SMC5: variants seen among roughly 807,000 people sequenced by gnomAD.
SMC5 encodes structural maintenance of chromosomes 5.
A neutral mutation model predicts 148.3 loss-of-function variants in SMC5; 88 were observed. The observed-to-expected ratio is 0.59, with a 90% CI of 0.50 to 0.71. The LOEUF is 0.71. SMC5 is among the 30% of genes least tolerant of loss of function. SMC5 has a pLI of 0.00. For synonymous variants in SMC5, 421 were observed against 432.8 expected (o/e 0.97, Z 0.34); for missense variants, 1,142 against 1,298.9 (o/e 0.88, Z 1.86).
At position 70,344,242 on chromosome 9, in the gene SMC5, G is replaced by A; in HGVS notation, c.2496G>A (p.Glu832=). The A allele has an allele frequency of 6.7e-7, 1 of 1,489,280 alleles. No homozygotes were observed. Among genetic ancestry groups the A allele is most frequent in the Non-Finnish European group, 9.0e-7 (1 of 1,115,338 alleles). 92.3% of individuals were successfully genotyped at this position (1,489,280 alleles called of 1,614,324 possible). ...GGCAAGTATGTAACCTGGGTGCAGA[G>A]CAGACTCTTCCTCAAGAATACCAGA... The part of the protein sequence containing the change: ...RARQVCNLGA[E]QTLPQEYQTQ... The change falls in exon 18 of 25, where the codon GAG becomes GAA. Residue 832 remains glutamate, a synonymous_variant. Coordinates refer to ENST00000361138, the MANE Select transcript of SMC5 (RefSeq NM_015110.4).
rs73446770 is a variant in SMC5 at position 70,274,377 on chromosome 9, G to A, written c.381-2933G>A. ...ATTACAGGCGTGAGCCACTGCGCCC[G>A]GCCGTGAATTCAACTTTCTGTTGTT... On this transcript the variant is annotated intron_variant, in intron 3 of 24. Coordinates refer to ENST00000361138, the MANE Select transcript of SMC5 (RefSeq NM_015110.4). Among the ~76,000 whole-genome samples the A allele has an allele frequency of 4.3e-3, 651 of 152,170 alleles. 5 individuals are homozygous for A. Among genetic ancestry groups the A allele is most frequent in the African/African-American group, 0.014 (565 of 41,536 alleles).
At chr9:70,318,741 G>GT in intron 14 of SMC5, 53 bp from the exon 15 acceptor site, 1 of 1,556,492 alleles carries the variant, frequency 6.4e-7, no homozygotes, top group Non-Finnish European at 8.6e-7. Flanking sequence ...ATTTCTAATA[G>GT]TTTCACTGGA....
intron 17 of SMC5, among the ~76,000 whole-genome samples, chr9:70,324,848 G>T (rs1284728629): frequency 6.6e-6 from 1 of 152,090 alleles, no homozygotes; most frequent in East Asian, 1.9e-4. Context: ...ATACAATCAG[G>T]ACTAGCAAAA....
chr9:70,274,342 A>G (rs2034529797), intron 3 of SMC5, among the ~76,000 whole-genome samples: 1 of 152,122 alleles, frequency 6.6e-6, no homozygotes, highest in African/African-American at 2.4e-5. Flanking sequence ...CGGCCTCCCA[A>G]AGTGCTGGGA....
chr9:70,320,978 A>G (rs898406024), intron 15 of SMC5, among the ~76,000 whole-genome samples: 1 of 152,200 alleles, frequency 6.6e-6, no homozygotes, highest in Non-Finnish European at 1.5e-5. Context: ...TGCAAATGAC[A>G]GCATGGTGAG....
rs1483522666 is a variant in SMC5 at position 70,339,854 on chromosome 9, G to T, written c.2398-4290G>T. 2.0e-5 allele frequency among the ~76,000 whole-genome samples: 3 copies of T among 152,172 alleles called. No individual in the cohort carries two copies. The East Asian group carries it at 5.8e-4, about 29-fold the overall frequency. ...CCCTGAAAAAGGTAGATGGTGGGAAGCCTCTCTTTGGTAATGTCACTAACT... is the reference window on the plus strand; with the variant it reads ...CCCTGAAAAAGGTAGATGGTGGGAATCCTCTCTTTGGTAATGTCACTAACT... On this transcript the variant is annotated intron_variant, in intron 17 of 24. Coordinates refer to ENST00000361138, the MANE Select transcript of SMC5 (RefSeq NM_015110.4).
chr9:70,347,835 T>C, intron 21 of SMC5, 84 bp from the exon 22 acceptor site: 1 of 1,357,532 alleles, frequency 7.4e-7, no homozygotes, highest in East Asian at 2.4e-5. Flanking sequence ...AGACTGATAC[T>C]GATATAAAAT....
intron 10 of SMC5, 21 bp from the exon 11 acceptor site, chr9:70,305,226 T>C: frequency 8.5e-7 from 1 of 1,177,968 alleles, no homozygotes; most frequent in Non-Finnish European, 1.2e-6. Context: ...AAATTCGACC[T>C]TTTTTTGCTT....
chr9:70,266,863 C>T (rs938300206), intron 2 of SMC5, among the ~76,000 whole-genome samples: 1 of 152,174 alleles, frequency 6.6e-6, no homozygotes, highest in African/African-American at 2.4e-5. Flanking sequence ...GAGCAGATGT[C>T]ATTCCTACAT....
At chr9:70,294,210 A>C (rs1197711718) in intron 8 of SMC5, among the ~76,000 whole-genome samples, 1 of 152,206 alleles carries the variant, frequency 6.6e-6, no homozygotes, top group Non-Finnish European at 1.5e-5. Flanking sequence ...GGAAGGCAGC[A>C]ATAAAGGATT....
chr9:70,294,079 G>C lies in SMC5; in HGVS notation c.1054-3887G>C, dbSNP rs11142353. On this transcript the variant is annotated intron_variant, in intron 8 of 24. Coordinates refer to ENST00000361138, the MANE Select transcript of SMC5 (RefSeq NM_015110.4). ...TCCTTACATTCTACAAAGCAAAGCA[G>C]AATGAGTAAGGATGTAGGTAAAGTG... Among the ~76,000 whole-genome samples the C allele has an allele frequency of 8.6e-4, 131 of 152,230 alleles. 1 individual carries two copies. The East Asian group carries it at 0.024, about 27-fold the overall frequency.
chr9:70,278,907 T>C (rs937216680), intron 5 of SMC5, among the ~76,000 whole-genome samples: 1 of 152,198 alleles, frequency 6.6e-6, no homozygotes, highest in Non-Finnish European at 1.5e-5. Context: ...AGGAAGTTAT[T>C]CTTTCATTCA....
intron 17 of SMC5, among the ~76,000 whole-genome samples, chr9:70,343,480 C>G (rs984849489): frequency 6.6e-6 from 1 of 152,086 alleles, no homozygotes; most frequent in Non-Finnish European, 1.5e-5. Flanking sequence ...TGAGTTTTGT[C>G]ATATGAAGCC....
At chr9:70,263,311 G>A (rs1393181302) in intron 1 of SMC5, among the ~76,000 whole-genome samples, 1 of 152,126 alleles carries the variant, frequency 6.6e-6, no homozygotes, top group Non-Finnish European at 1.5e-5. Flanking sequence ...TGTGGGATTA[G>A]CAAACCTGCC....
chr9:70,282,316 C>A (rs1439630245), intron 6 of SMC5, 106 bp from the exon 7 acceptor site: 9 of 1,226,574 alleles, frequency 7.3e-6, no homozygotes, highest in African/African-American at 1.6e-5. Context: ...GTTTTGATAT[C>A]AAAACAATCT....
In SMC5 at chr9:70,345,228, T is replaced by C. The variant is rs1030415109; in HGVS notation, c.2523+959T>C. ...TTCTATTCTTGATAAGTCATACTGT[T>C]TTTGAATCAAAATTAGGAGATGATT... On this transcript the variant is annotated intron_variant, in intron 18 of 24. Coordinates refer to ENST00000361138, the MANE Select transcript of SMC5 (RefSeq NM_015110.4). 2.0e-5 allele frequency among the ~76,000 whole-genome samples: 3 copies of C among 152,136 alleles called. No individual in the cohort carries two copies. The East Asian group carries it at 5.8e-4, about 29-fold the overall frequency.
chr9:70,347,622 G>A lies in SMC5; in HGVS notation c.2674G>A (p.Glu892Lys), dbSNP rs769761295. The change falls in exon 21 of 25, where the codon GAA becomes AAA. Residue 892 changes from glutamate (E) to lysine (K), a missense_variant. Physicochemically the swap from Glu to Lys is moderately conservative, Grantham distance 56. Coordinates refer to ENST00000361138, the MANE Select transcript of SMC5 (RefSeq NM_015110.4). ...TTTTTTCCCCTGCCAGATTGTTCAG[G>A]AATATACAAAAAGAGAAGAAGAAAT... ...FTGLNPTIVQEYTKREEEIEQ... is the reference protein window; with the variant it reads ...FTGLNPTIVQKYTKREEEIEQ... 2 of 1,552,280 alleles carry A rather than the reference G, an allele frequency of 1.3e-6. No homozygotes were observed. The highest frequency in any genetic ancestry group is 2.3e-5 in the East Asian group (1 of 43,764).
At position 70,316,055 on chromosome 9, in the gene SMC5, C is replaced by A. The variant is rs373180989; in HGVS notation, c.1806+477C>A. Among the ~76,000 whole-genome samples the A allele has an allele frequency of 1.8e-4, 27 of 152,088 alleles. No homozygotes were observed. In the East Asian group the frequency reaches 4.8e-3, roughly 27 times the overall value. On this transcript the variant is annotated intron_variant, in intron 13 of 24. Transcript: ENST00000361138. ...TTAAGATTATCTCAGATATGAATGA[C>A]CACTTCTCATAGGATTTGTTTGGCT... is the stretch of plus-strand genomic sequence containing the variant.
In SMC5 at chr9:70,298,126, A is replaced by G; in HGVS notation, c.1214A>G (p.Asn405Ser). 6.2e-7 allele frequency: 1 copy of G among 1,614,118 alleles called. No individual in the cohort carries two copies. Among genetic ancestry groups the G allele is most frequent in the South Asian group, 1.1e-5 (1 of 91,082 alleles). ...CAGCCCCAGATTGATGCCATTACAA[A>G]TGATCTGAGACGGATTCAGGATGAA... ...NLQPQIDAIT[N>S]DLRRIQDEKA... Residue 405 changes from asparagine (N) to serine (S), a missense_variant, in exon 9 of 25, where the codon AAT (asparagine) becomes AGT (serine). This residue lies in a region of SMC5 where 743 missense variants were observed against 835.7 expected (regional missense o/e 0.89). Transcript: ENST00000361138.
Sources: gnomAD v4.1 joint callset for allele counts (sites outside exome capture counted in the v4.1 genomes callset) on GRCh38, gnomAD v4.1.1 for gene constraint, gnomAD v4.1.1 regional missense constraint, MANE v1.5 for transcripts, NCBI Gene and HGNC (gene_info 2026-07-23, HGNC 2026-07-21) for gene names.